The following KIF25 variants were observed in gnomAD, a reference collection of about 807,000 sequenced individuals.
The protein encoded by KIF25 is kinesin-like protein KIF25.
Under a neutral mutation model 32.9 loss-of-function variants are expected in KIF25, and 19 were observed. That is an observed-to-expected ratio of 0.58 (90% CI 0.40 to 0.85). The LOEUF is 0.85. KIF25 is among the 40% of genes least tolerant of loss of function. The pLI is 0.00. For synonymous variants in KIF25, 225 were observed against 213.7 expected, an observed-to-expected ratio of 1.05 and a Z score of -0.46; for missense variants, 485 against 507.0, an observed-to-expected ratio of 0.96 and a Z score of 0.42.
At chr6:168,032,720 T>TGGTGG (rs1798958741) in intron 7 of KIF25, among the ~76,000 whole-genome samples, 1 of 152,246 alleles carries the variant, frequency 6.6e-6, no homozygotes, top group Non-Finnish European at 1.5e-5. Flanking sequence ...GTTGGACTTG[T>TGGTGG]GGTGGGTACA....
chr6:168,024,793 GT>G (rs1319715265), intron 5 of KIF25, among the ~76,000 whole-genome samples: 1 of 151,960 alleles, frequency 6.6e-6, no homozygotes, highest in African/African-American at 2.4e-5. Context: ...GCTCACGCCT[GT>G]AATCCCAGCA....
intron 10 of KIF25, among the ~76,000 whole-genome samples, chr6:168,041,655 G>A (rs964078788): frequency 6.6e-6 from 1 of 152,198 alleles, no homozygotes; most frequent in African/African-American, 2.4e-5. Context: ...TTCTAAAAGG[G>A]CTCATAGATT....
intron 5 of KIF25, among the ~76,000 whole-genome samples, chr6:168,018,945 C>A (rs1323132929): frequency 6.6e-6 from 1 of 152,250 alleles, no homozygotes; most frequent in Non-Finnish European, 1.5e-5. Flanking sequence ...GAAAGAACCA[C>A]CGGGGAGGAG....
intron 4 of KIF25, among the ~76,000 whole-genome samples, chr6:168,007,619 G>A (rs1300846700): frequency 6.6e-6 from 1 of 152,188 alleles, no homozygotes; most frequent in Non-Finnish European, 1.5e-5. Flanking sequence ...TGTATAAGCT[G>A]GCCGAAAATA....
rs1283737407 is a variant in KIF25, at chr6:168,016,160, AT to A, written c.-162-1812del. Among the ~76,000 whole-genome samples the A allele has an allele frequency of 7.9e-5, 12 of 152,156 alleles. No individual in the cohort carries two copies. The East Asian group carries it at 2.1e-3, about 27-fold the overall frequency. ...ATTAGGGACTGGGAGGTCTGTTCTT[AT>A]GGCGAGGCCAGGGGCTTGGTCCTGG... On this transcript the variant is annotated intron_variant, in intron 4 of 12. Coordinates refer to ENST00000643607, the MANE Select transcript of KIF25 (RefSeq NM_030615.4).
Position 168,013,757 on chromosome 6 carries a change from C to T in KIF25, c.-162-4216C>T, listed in dbSNP as rs571995374. Reference sequence around the variant, plus strand: ...CCCTTCTGCCTGGGCAGATCTGACCCAGGCAGGGGAGATGGGGCTGCAGAA... The same window carrying T: ...CCCTTCTGCCTGGGCAGATCTGACCTAGGCAGGGGAGATGGGGCTGCAGAA... On this transcript the variant is annotated intron_variant, in intron 4 of 12. Transcript: ENST00000643607. Among the ~76,000 whole-genome samples, 183 of 152,242 alleles carry T rather than the reference C, an allele frequency of 1.2e-3. 1 individual carries two copies. In the Middle Eastern group the frequency reaches 0.017, roughly 14 times the overall value.
At chr6:168,036,333 C>T (rs896397680) in intron 8 of KIF25, among the ~76,000 whole-genome samples, 2 of 152,164 alleles carry the variant, frequency 1.3e-5, no homozygotes, top group African/African-American at 2.4e-5. Flanking sequence ...TTTAAAAAGT[C>T]TAGAGTGGAA....
chr6:168,006,216 T>TA (rs1298071096), intron 4 of KIF25, among the ~76,000 whole-genome samples: 1 of 152,002 alleles, frequency 6.6e-6, no homozygotes, highest in Admixed American at 6.5e-5. Context: ...TTCTTTTTTT[T>TA]TTTTTTAGCG....
chr6:168,013,250 C>T (rs534251335), intron 4 of KIF25, among the ~76,000 whole-genome samples: 1 of 151,838 alleles, frequency 6.6e-6, no homozygotes, highest in Admixed American at 6.6e-5. Flanking sequence ...GCTTGGCTAA[C>T]TCAAGGGCAG....
chr6:168,014,834 A>G (rs1057066899), intron 4 of KIF25, among the ~76,000 whole-genome samples: 24 of 152,158 alleles, frequency 1.6e-4, no homozygotes, highest in African/African-American at 5.1e-4. Context: ...GACATGGGAG[A>G]ACAGATTTCT....
At chr6:168,011,322 G>T (rs1278882046) in intron 4 of KIF25, among the ~76,000 whole-genome samples, 2 of 152,000 alleles carry the variant, frequency 1.3e-5, no homozygotes, top group East Asian at 1.9e-4. Context: ...TATGATGGTG[G>T]TTATTGTCTT....
At chr6:168,015,111 G>C (rs993096270) in intron 4 of KIF25, among the ~76,000 whole-genome samples, 1 of 152,070 alleles carries the variant, frequency 6.6e-6, no homozygotes, top group Non-Finnish European at 1.5e-5. Flanking sequence ...CTTTTTTAAC[G>C]TGGGTTCGCT....
intron 10 of KIF25, among the ~76,000 whole-genome samples, chr6:168,040,514 C>T (rs539348751): frequency 1.7e-3 from 258 of 151,846 alleles, no homozygotes; most frequent in Admixed American, 3.1e-3. Flanking sequence ...TGCGATGAGC[C>T]GAGATTGTGC....
At chr6:168,031,544 A>T (rs757973466) in intron 7 of KIF25, among the ~76,000 whole-genome samples, 6 of 152,240 alleles carry the variant, frequency 3.9e-5, no homozygotes, top group Non-Finnish European at 7.3e-5. Context: ...CAAGTCAGGA[A>T]GCTCCTGCAT....
intron 5 of KIF25, among the ~76,000 whole-genome samples, chr6:168,022,069 A>T (rs1798794597): frequency 6.6e-6 from 1 of 152,200 alleles, no homozygotes; most frequent in African/African-American, 2.4e-5. Flanking sequence ...AAGTTGAACA[A>T]TTATCAGGCA....
intron 2 of KIF25, among the ~76,000 whole-genome samples, chr6:167,999,937 GACCACACCTGA>G (rs1798474088): frequency 8.5e-6 from 1 of 116,978 alleles, no homozygotes; most frequent in East Asian, 2.5e-4. Flanking sequence ...CTCCCATCCT[GACCACACCTGA>G]CCCTCCCCAC....
chr6:168,030,678 T>G lies in KIF25; in HGVS notation c.93-95T>G, dbSNP rs181180312. The G allele has an allele frequency of 2.4e-4, 196 of 822,986 alleles. 1 individual carries two copies. In the East Asian group the frequency reaches 2.6e-3, roughly 11 times the overall value. The allele number at this position is 822,986 out of a possible 1,614,324, so 51.0% of individuals were successfully genotyped here. ...CTGATGGCGTTGGGGGGATGGGAAG[T>G]ACACGGGGCGTTGTGTTCCCAGGTT... On this transcript the variant is annotated intron_variant, in intron 6 of 12. Transcript: ENST00000643607.
At chr6:168,009,097 G>T (rs1012097568) in intron 4 of KIF25, among the ~76,000 whole-genome samples, 1 of 151,970 alleles carries the variant, frequency 6.6e-6, no homozygotes, top group Non-Finnish European at 1.5e-5. Flanking sequence ...GCTATGACTA[G>T]GACTTCCAAT....
chr6:168,006,504 G>A (rs1454016660), intron 4 of KIF25, among the ~76,000 whole-genome samples: 1 of 152,182 alleles, frequency 6.6e-6, no homozygotes, highest in East Asian at 1.9e-4. Context: ...TTCCACACTT[G>A]TGGCACCGGG....
Sources: gnomAD v4.1 joint callset for allele counts (sites outside exome capture counted in the v4.1 genomes callset) on GRCh38, gnomAD v4.1.1 for gene constraint, MANE v1.5 for transcripts, NCBI Gene and HGNC (gene_info 2026-07-23, HGNC 2026-07-21) for gene names.